The following AGBL4 variants were observed in gnomAD, a reference collection of about 807,000 sequenced individuals.
AGBL4 encodes the protein AGBL carboxypeptidase 4, also known as cytosolic carboxypeptidase 6.
Under a neutral mutation model 66.4 loss-of-function variants are expected in AGBL4, and 58 were observed. The observed-to-expected ratio is 0.87, with a 90% CI of 0.71 to 1.09. The LOEUF (loss-of-function observed/expected upper bound fraction) is 1.09. Ranked by LOEUF, AGBL4 falls within the 50% of genes least tolerant of loss-of-function variation. The pLI is 0.00. For synonymous variants in AGBL4, 234 were observed against 222.9 expected (o/e 1.05, Z -0.44); for missense variants, 579 against 631.0 (o/e 0.92, Z 0.88).
At chr1:49,682,302 G>T (rs1302339931) in intron 3 of AGBL4, among the ~76,000 whole-genome samples, 5 of 152,034 alleles carry the variant, frequency 3.3e-5, no homozygotes. Flanking sequence ...GGTACAGGAG[G>T]CTGAGGCAGG....
intron 4 of AGBL4, among the ~76,000 whole-genome samples, chr1:49,101,521 T>G (rs2148002252): frequency 6.6e-6 from 1 of 152,296 alleles, no homozygotes; most frequent in African/African-American, 2.4e-5. Context: ...TCTATATATG[T>G]GAACCTAATA....
intron 5 of AGBL4, among the ~76,000 whole-genome samples, chr1:48,888,251 A>G (rs1323844089): frequency 6.6e-6 from 1 of 152,186 alleles, no homozygotes; most frequent in East Asian, 1.9e-4. Context: ...CATTTTTATT[A>G]AAAGCACTAA....
intron 1 of AGBL4, among the ~76,000 whole-genome samples, chr1:49,913,293 G>C (rs893725499): frequency 6.6e-6 from 1 of 152,232 alleles, no homozygotes; most frequent in Non-Finnish European, 1.5e-5. Flanking sequence ...GCATAGGATA[G>C]ACATTCCCAT....
At chr1:49,857,625 G>GTTT (rs2148076025) in intron 1 of AGBL4, among the ~76,000 whole-genome samples, 1 of 152,234 alleles carries the variant, frequency 6.6e-6, no homozygotes, top group African/African-American at 2.4e-5. Context: ...ATACACTGGG[G>GTTT]AAAGGACAGT....
chr1:49,674,524 T>C (rs1646542646), intron 3 of AGBL4, among the ~76,000 whole-genome samples: 1 of 147,644 alleles, frequency 6.8e-6, no homozygotes, highest in Admixed American at 6.8e-5. Context: ...TATATAAATT[T>C]ATATATTTTT....
chr1:48,629,721 T>C (rs1181166659), intron 9 of AGBL4, among the ~76,000 whole-genome samples: 1 of 151,796 alleles, frequency 6.6e-6, no homozygotes, highest in East Asian at 1.9e-4. Flanking sequence ...GGAATGGGAG[T>C]GGGTGATGCC....
chr1:49,887,558 A>C (rs1462874351), intron 1 of AGBL4, among the ~76,000 whole-genome samples: 1 of 152,186 alleles, frequency 6.6e-6, no homozygotes, highest in Non-Finnish European at 1.5e-5. Context: ...AACAATTGAA[A>C]TTATTAATGG....
intron 4 of AGBL4, among the ~76,000 whole-genome samples, chr1:49,171,089 G>A (rs1239350354): frequency 6.6e-6 from 1 of 152,168 alleles, no homozygotes; most frequent in Non-Finnish European, 1.5e-5. Flanking sequence ...ATAAGAAAGT[G>A]TTAATGTCAC....
intron 1 of AGBL4, among the ~76,000 whole-genome samples, chr1:49,906,116 C>CAGTG (rs1650249153): frequency 6.8e-6 from 1 of 147,296 alleles, no homozygotes; most frequent in South Asian, 2.2e-4. Flanking sequence ...AAACAGGACT[C>CAGTG]TGTGTGTGTG....
At chr1:48,535,763 C>G (rs1643959784) in intron 12 of AGBL4, among the ~76,000 whole-genome samples, 2 of 152,100 alleles carry the variant, frequency 1.3e-5, no homozygotes, top group African/African-American at 4.8e-5. Flanking sequence ...TTTTCTTGGA[C>G]ATGCCTGCCA....
At chr1:48,938,880 C>A (rs1655706579) in intron 5 of AGBL4, among the ~76,000 whole-genome samples, 2 of 152,266 alleles carry the variant, frequency 1.3e-5, no homozygotes, top group Non-Finnish European at 2.9e-5. Flanking sequence ...GTACATCATG[C>A]CTGTTACTGA....
Position 49,852,325 on chromosome 1 carries a change from G to T in AGBL4, c.35-807C>A, listed in dbSNP as rs1055405586. 1.3e-5 allele frequency among the ~76,000 whole-genome samples: 2 copies of T among 152,098 alleles called. 1 individual carries two copies. The highest frequency in any genetic ancestry group is 1.3e-4 in the Admixed American group (2 of 15,260). On this transcript the variant is annotated intron_variant, in intron 1 of 13. Coordinates refer to ENST00000371839, the MANE Select transcript of AGBL4 (RefSeq NM_032785.4). ...AAGTAATGCTGGGTCCCATACAAAT[G>T]AGTAAGAAAGCTAAGCTAATTTTTA... is the stretch of plus-strand genomic sequence containing the variant.
At chr1:49,269,368 T>C (rs1644003903) in intron 3 of AGBL4, 1 of 152,220 alleles carries the variant, frequency 6.6e-6, no homozygotes, top group South Asian at 2.1e-4. Flanking sequence ...TTATTTGACA[T>C]ATTTTGAGAT....
intron 8 of AGBL4, among the ~76,000 whole-genome samples, chr1:48,640,663 GT>G (rs1645740206): frequency 6.6e-6 from 1 of 152,104 alleles, no homozygotes; most frequent in Admixed American, 6.5e-5. Flanking sequence ...TTGAACCCAG[GT>G]CTTGTTGATG....
At chr1:49,629,942 C>T (rs1243476921) in intron 3 of AGBL4, among the ~76,000 whole-genome samples, 1 of 152,084 alleles carries the variant, frequency 6.6e-6, no homozygotes, top group Non-Finnish European at 1.5e-5. Context: ...TTAATCAGCA[C>T]CCTTATTTGC....
intron 1 of AGBL4, among the ~76,000 whole-genome samples, chr1:49,860,981 T>C (rs934606333): frequency 6.6e-6 from 1 of 152,040 alleles, no homozygotes; most frequent in Non-Finnish European, 1.5e-5. Context: ...GCAAAGAGCA[T>C]CTCTGGCTGC....
At chr1:49,759,067 A>T (rs895220746) in intron 2 of AGBL4, among the ~76,000 whole-genome samples, 1 of 152,170 alleles carries the variant, frequency 6.6e-6, no homozygotes, top group African/African-American at 2.4e-5. Context: ...TATAAATAGC[A>T]GTTTCCCCTT....
At chr1:49,318,891 G>A (rs1645085188) in intron 3 of AGBL4, among the ~76,000 whole-genome samples, 1 of 152,034 alleles carries the variant, frequency 6.6e-6, no homozygotes, top group South Asian at 2.1e-4. Context: ...TGATATGTGA[G>A]TCTACCTACT....
intron 3 of AGBL4, among the ~76,000 whole-genome samples, chr1:49,295,437 T>C (rs1463163670): frequency 7.9e-5 from 12 of 152,172 alleles, no homozygotes; most frequent in Admixed American, 1.3e-4. Flanking sequence ...AAAAGTAAGA[T>C]TTCCAGGTAA....
Sources: gnomAD v4.1 joint callset for allele counts (sites outside exome capture counted in the v4.1 genomes callset) on GRCh38, gnomAD v4.1.1 for gene constraint, MANE v1.5 for transcripts, NCBI Gene and HGNC (gene_info 2026-07-23, HGNC 2026-07-21) for gene names.